The following BTBD10 variants were observed in gnomAD, a reference collection of about 807,000 sequenced individuals.
BTBD10 encodes BTB/POZ domain-containing protein 10.
In BTBD10, 21 loss-of-function variants were observed where a neutral mutation model predicts 53.2. The observed-to-expected ratio is 0.39, with a 90% confidence interval of 0.28 to 0.57. The LOEUF is 0.57. BTBD10 is among the 20% of genes least tolerant of loss of function. The pLI, the probability that BTBD10 is intolerant of heterozygous loss-of-function variation, is 0.53. For missense variants in BTBD10, 360 were observed against 594.7 expected (o/e 0.61, Z 4.10); for synonymous variants, 149 against 192.7 (o/e 0.77, Z 1.88).
chr11:13,462,584 AC>A (rs1951123172), intron 1 of BTBD10: 1 of 152,218 alleles, frequency 6.6e-6, no homozygotes, highest in Non-Finnish European at 1.5e-5. Flanking sequence ...AGACATCAGA[AC>A]CTTTTCCGTG....
chr11:13,436,606 T>C (rs926754275), intron 2 of BTBD10, among the ~76,000 whole-genome samples: 1 of 152,202 alleles, frequency 6.6e-6, no homozygotes, highest in South Asian at 2.1e-4. Flanking sequence ...TGAAATCATA[T>C]AGTTAATTAA....
intron 8 of BTBD10, among the ~76,000 whole-genome samples, chr11:13,391,967 A>AAGAC (rs757480505): frequency 1.3e-3 from 198 of 152,264 alleles, no homozygotes; most frequent in Non-Finnish European, 1.8e-3. Flanking sequence ...AGATAGACAG[A>AAGAC]AGACAGACAG....
chr11:13,450,628 G>A (rs1401155922), intron 1 of BTBD10, among the ~76,000 whole-genome samples: 1 of 152,122 alleles, frequency 6.6e-6, no homozygotes, highest in Non-Finnish European at 1.5e-5. Flanking sequence ...AATTGACAGA[G>A]AACTGAACAG....
At chr11:13,418,971 C>CTTTTTT (rs11423580) in intron 4 of BTBD10, among the ~76,000 whole-genome samples, 1 of 125,454 alleles carries the variant, frequency 8.0e-6, no homozygotes, top group Non-Finnish European at 1.6e-5. Context: ...GTTGACATTC[C>CTTTTTT]TTTTTTTTTT....
intron 2 of BTBD10, among the ~76,000 whole-genome samples, chr11:13,434,860 TGATG>T: frequency 6.6e-6 from 1 of 152,200 alleles, no homozygotes; most frequent in Non-Finnish European, 1.5e-5. Flanking sequence ...TGAAATTTAC[TGATG>T]GATGAAATGT....
chr11:13,399,647 G>C (rs1457457870), intron 8 of BTBD10, among the ~76,000 whole-genome samples: 1 of 152,048 alleles, frequency 6.6e-6, no homozygotes, highest in Non-Finnish European at 1.5e-5. Flanking sequence ...TTCCGGTTTT[G>C]CTGCTCTGTT....
chr11:13,402,977 C>G (rs1949744507), intron 8 of BTBD10, among the ~76,000 whole-genome samples, 191 bp downstream of exon 8: 1 of 152,150 alleles, frequency 6.6e-6, no homozygotes, highest in African/African-American at 2.4e-5. Flanking sequence ...ATAACAATTT[C>G]TAATGGCCTT....
intron 8 of BTBD10, among the ~76,000 whole-genome samples, chr11:13,394,169 T>C (rs1378637758): frequency 2.0e-5 from 3 of 152,202 alleles, no homozygotes; most frequent in Non-Finnish European, 4.4e-5. Context: ...CTTAATCTTA[T>C]AATGGAGAGA....
chr11:13,438,626 G>GT (rs1246727352), intron 2 of BTBD10, among the ~76,000 whole-genome samples: 1 of 151,596 alleles, frequency 6.6e-6, no homozygotes, highest in African/African-American at 2.4e-5. Flanking sequence ...GCCTTTTTAA[G>GT]TGCATATGTG....
chr11:13,437,597 A>C lies in BTBD10; in HGVS notation c.101+7427T>G, dbSNP rs147374235. Among the ~76,000 whole-genome samples, 15 of 152,364 alleles carry C rather than the reference A, an allele frequency of 9.8e-5. No homozygotes were observed. In the East Asian group the frequency reaches 2.9e-3, roughly 29 times the overall value. ...TTGTTCCCCCACTTTACTCTCAAGG[A>C]TATCAAAATGACTTTACCAAAAGCT... On this transcript the variant is annotated intron_variant, in intron 2 of 8. Coordinates refer to ENST00000278174, the MANE Select transcript of BTBD10 (RefSeq NM_032320.7).
intron 6 of BTBD10, among the ~76,000 whole-genome samples, chr11:13,410,132 T>C (rs1949908323): frequency 6.6e-6 from 1 of 151,966 alleles, no homozygotes; most frequent in Non-Finnish European, 1.5e-5. Flanking sequence ...ACCACCTGTA[T>C]CCCAAAAACA....
At chr11:13,416,238 C>A (rs552601269) in intron 5 of BTBD10, among the ~76,000 whole-genome samples, 1 of 151,856 alleles carries the variant, frequency 6.6e-6, no homozygotes, top group Non-Finnish European at 1.5e-5. Context: ...CCTATGGTCC[C>A]AGCTACTAGG....
Position 13,424,287 on chromosome 11 carries a change from A to C in BTBD10, c.102-2449T>G, listed in dbSNP as rs577782966. On this transcript the variant is annotated intron_variant, in intron 2 of 8. Transcript: ENST00000278174. ...GTTTGAGTAAGGGCCAAGCAGACTGAGTAATTAAAAAAGCGTTTTCACCAG... is the reference window on the plus strand; with the variant it reads ...GTTTGAGTAAGGGCCAAGCAGACTGCGTAATTAAAAAAGCGTTTTCACCAG... Among the ~76,000 whole-genome samples, 7 of 152,326 alleles carry C rather than the reference A, an allele frequency of 4.6e-5. No homozygotes were observed. The South Asian group carries it at 1.2e-3, about 27-fold the overall frequency.
At chr11:13,412,274 T>C (rs1044011116) in intron 6 of BTBD10, among the ~76,000 whole-genome samples, 2 of 152,010 alleles carry the variant, frequency 1.3e-5, no homozygotes, top group Non-Finnish European at 2.9e-5. Context: ...GCCAACATAG[T>C]GAAACCCTGT....
chr11:13,462,030 C>A (rs956481385), intron 1 of BTBD10, among the ~76,000 whole-genome samples: 1 of 151,262 alleles, frequency 6.6e-6, no homozygotes, highest in Admixed American at 6.6e-5. Context: ...CAACTGCAGT[C>A]CTGGGTTTCA....
At chr11:13,403,660 T>C (rs1467714486) in intron 7 of BTBD10, among the ~76,000 whole-genome samples, 1 of 152,234 alleles carries the variant, frequency 6.6e-6, no homozygotes, top group Non-Finnish European at 1.5e-5. Flanking sequence ...CTAAGATGTC[T>C]ACAAGGCCTA....
chr11:13,448,681 T>C (rs890644768), intron 1 of BTBD10, among the ~76,000 whole-genome samples: 9 of 152,166 alleles, frequency 5.9e-5, no homozygotes, highest in African/African-American at 9.6e-5. Flanking sequence ...AGTAAAAATG[T>C]TGGCTGACCT....
rs550541888 is a variant in BTBD10, at chr11:13,450,892, T to C, written c.-57-5711A>G. 8.5e-5 allele frequency among the ~76,000 whole-genome samples: 13 copies of C among 152,184 alleles called. No homozygotes were observed. In the South Asian group the frequency reaches 2.7e-3, roughly 32 times the overall value. ...CTTGAAAGTGTCCAAAAGCAGACAG[T>C]AGTGAAAGAAGAGCTTACTCTTGAA... On this transcript the variant is annotated intron_variant, in intron 1 of 8. Coordinates refer to ENST00000278174, the MANE Select transcript of BTBD10 (RefSeq NM_032320.7).
intron 2 of BTBD10, among the ~76,000 whole-genome samples, chr11:13,443,734 C>G (rs1950705224): frequency 6.6e-6 from 1 of 152,032 alleles, no homozygotes. Context: ...CAGGTGCATG[C>G]CACCATTCCC....
Sources: allele counts gnomAD v4.1 joint callset (sites outside exome capture counted in the v4.1 genomes callset), GRCh38; gene constraint gnomAD v4.1.1; transcripts MANE v1.5; gene names NCBI Gene and HGNC (gene_info 2026-07-23, HGNC 2026-07-21).